CTNND2: variants seen among roughly 807,000 people sequenced by gnomAD.
CTNND2 encodes catenin delta-2.
In CTNND2, 22 loss-of-function variants were observed where a neutral mutation model predicts 144.4. That is an observed-to-expected ratio of 0.15 (90% CI 0.11 to 0.22). CTNND2 has a LOEUF of 0.22. CTNND2 is among the 10% of genes least tolerant of loss of function. The pLI is 1.00. For missense variants in CTNND2, 1,353 were observed against 1,618.8 expected, an observed-to-expected ratio of 0.84 and a Z score of 2.82; for synonymous variants, 751 against 695.6, an observed-to-expected ratio of 1.08 and a Z score of -1.25.
intron 1 of CTNND2, among the ~76,000 whole-genome samples, chr5:11,802,410 G>A (rs1293829977): frequency 6.7e-6 from 1 of 149,828 alleles, no homozygotes; most frequent in East Asian, 2.0e-4. Flanking sequence ...CCTACTAAAA[G>A]TGCAAAATTA....
chr5:11,125,198 T>C (rs1386243178), intron 12 of CTNND2, among the ~76,000 whole-genome samples: 1 of 152,174 alleles, frequency 6.6e-6, no homozygotes, highest in African/African-American at 2.4e-5. Flanking sequence ...TGGCCTTTAC[T>C]GGAGTGACAG....
At chr5:11,645,212 C>T (rs1457242037) in intron 2 of CTNND2, among the ~76,000 whole-genome samples, 1 of 152,250 alleles carries the variant, frequency 6.6e-6, no homozygotes, top group East Asian at 1.9e-4. Flanking sequence ...TCAATCCTCC[C>T]ACCTCAGTCT....
chr5:11,311,128 G>T (rs1177903248), intron 9 of CTNND2, among the ~76,000 whole-genome samples: 1 of 124,252 alleles, frequency 8.0e-6, no homozygotes, highest in Non-Finnish European at 1.7e-5. Context: ...CACCTCACAT[G>T]CACATACACT....
chr5:11,722,071 A>G (rs1786721632), intron 2 of CTNND2, among the ~76,000 whole-genome samples: 1 of 152,166 alleles, frequency 6.6e-6, no homozygotes, highest in Non-Finnish European at 1.5e-5. Flanking sequence ...TGTGGTCCAC[A>G]TTTCTAACAA....
intron 3 of CTNND2, among the ~76,000 whole-genome samples, chr5:11,466,650 C>T (rs1469518465): frequency 2.0e-5 from 3 of 152,136 alleles, no homozygotes; most frequent in Admixed American, 6.5e-5. Context: ...AATCATGTCT[C>T]TAAAAATGAC....
At chr5:11,683,974 T>G (rs986540232) in intron 2 of CTNND2, among the ~76,000 whole-genome samples, 1 of 152,378 alleles carries the variant, frequency 6.6e-6, no homozygotes, top group Non-Finnish European at 1.5e-5. Context: ...GTGCTAGGAT[T>G]GCATGATTCC....
chr5:11,794,010 G>T (rs992589890), intron 1 of CTNND2, among the ~76,000 whole-genome samples: 8 of 152,220 alleles, frequency 5.3e-5, no homozygotes, highest in Admixed American at 4.6e-4. Flanking sequence ...TGTAAAGCGT[G>T]TTTTGTTGTT....
intron 20 of CTNND2, among the ~76,000 whole-genome samples, chr5:10,986,966 C>T (rs912978244): frequency 1.3e-5 from 2 of 152,264 alleles, no homozygotes; most frequent in Non-Finnish European, 2.9e-5. Flanking sequence ...TCCTGCTCTT[C>T]AGATTCCTCT....
chr5:11,825,308 CACA>C (rs1484039825), intron 1 of CTNND2, among the ~76,000 whole-genome samples: 1 of 151,864 alleles, frequency 6.6e-6, no homozygotes. Context: ...AAAATAAAAA[CACA>C]ACAACAGAGC....
At chr5:11,271,359 G>A (rs1347912122) in intron 9 of CTNND2, among the ~76,000 whole-genome samples, 1 of 152,124 alleles carries the variant, frequency 6.6e-6, no homozygotes, top group Non-Finnish European at 1.5e-5. Flanking sequence ...ATAAAGTATT[G>A]CATATACAAT....
chr5:11,258,414 C>T (rs1744505340), intron 9 of CTNND2, among the ~76,000 whole-genome samples: 1 of 152,220 alleles, frequency 6.6e-6, no homozygotes, highest in Non-Finnish European at 1.5e-5. Context: ...ATTGCTATTA[C>T]TGTTCACAAG....
chr5:11,519,936 C>T (rs554608782), intron 3 of CTNND2, among the ~76,000 whole-genome samples: 9 of 151,550 alleles, frequency 5.9e-5, no homozygotes, highest in South Asian at 4.2e-4. Flanking sequence ...GTCAGGAGTT[C>T]GAGACCAGCC....
intron 7 of CTNND2, among the ~76,000 whole-genome samples, chr5:11,374,526 GACTC>G (rs1363429025): frequency 6.6e-6 from 1 of 152,076 alleles, no homozygotes; most frequent in Non-Finnish European, 1.5e-5. Context: ...GGCGATCTAT[GACTC>G]GGTATTTTAT....
intron 12 of CTNND2, among the ~76,000 whole-genome samples, chr5:11,145,410 G>C (rs2149742120): frequency 6.6e-6 from 1 of 152,224 alleles, no homozygotes; most frequent in East Asian, 1.9e-4. Flanking sequence ...GCTCAGAGAG[G>C]CTACCTCAGT....
At chr5:11,396,349 T>C (rs144750330) in intron 6 of CTNND2, among the ~76,000 whole-genome samples, 48 of 152,202 alleles carry the variant, frequency 3.2e-4, no homozygotes, top group Non-Finnish European at 5.4e-4. Flanking sequence ...TCCTCTCTTC[T>C]AAATAACAAC....
intron 12 of CTNND2, among the ~76,000 whole-genome samples, chr5:11,149,409 G>A (rs1376718200): frequency 1.3e-5 from 2 of 152,228 alleles, no homozygotes; most frequent in African/African-American, 4.8e-5. Flanking sequence ...GGACTATTAT[G>A]GAAAATTATG....
intron 15 of CTNND2, among the ~76,000 whole-genome samples, chr5:11,086,303 G>A (rs948192755): frequency 1.3e-5 from 2 of 152,120 alleles, no homozygotes; most frequent in Admixed American, 1.3e-4. Context: ...CCACGTCCAT[G>A]TGTGTCCTGG....
At chr5:10,984,322 T>G (rs1737666368) in intron 20 of CTNND2, among the ~76,000 whole-genome samples, 1 of 152,314 alleles carries the variant, frequency 6.6e-6, no homozygotes, top group South Asian at 2.1e-4. Context: ...TGGGTAAACC[T>G]TAGATAGATC....
intron 9 of CTNND2, among the ~76,000 whole-genome samples, chr5:11,322,851 G>A (rs777264783): frequency 9.2e-5 from 14 of 151,978 alleles, no homozygotes; most frequent in Non-Finnish European, 2.9e-5. Context: ...CTCTGTGTAC[G>A]GAGATACCTG....
Sources: allele counts gnomAD v4.1 joint callset (sites outside exome capture counted in the v4.1 genomes callset), GRCh38; gene constraint gnomAD v4.1.1; transcripts MANE v1.5; gene names NCBI Gene and HGNC (gene_info 2026-07-23, HGNC 2026-07-21).